CFAP43: variants seen among roughly 807,000 people sequenced by gnomAD.
CFAP43 encodes cilia- and flagella-associated protein 43.
A neutral mutation model predicts 218.9 loss-of-function variants in CFAP43; 155 were observed. That is an observed-to-expected ratio of 0.71 (90% CI 0.62 to 0.81). The LOEUF (loss-of-function observed/expected upper bound fraction) is 0.81. Among genes scored for constraint, CFAP43 ranks in the 30% least tolerant of loss-of-function variants. CFAP43 has a pLI of 0.00. For synonymous variants in CFAP43, 645 were observed against 681.3 expected (o/e 0.95, Z 0.83); for missense variants, 1,778 against 1,954.3 (o/e 0.91, Z 1.70).
chr10:104,163,891 A>T (rs368159159), intron 24 of CFAP43, among the ~76,000 whole-genome samples: 19 of 152,238 alleles, frequency 1.2e-4, no homozygotes, highest in Non-Finnish European at 2.2e-4. Context: ...TCCTGGGCTC[A>T]GTGTCCAAAT....
intron 20 of CFAP43, 108 bp from the exon 21 acceptor site, chr10:104,168,956 T>C (rs1478970065): frequency 8.2e-6 from 7 of 857,002 alleles, no homozygotes; most frequent in African/African-American, 1.7e-5. Context: ...CCTTCAGTGG[T>C]AGAGTTTGTC....
intron 5 of CFAP43, 129 bp from the exon 6 acceptor site, chr10:104,207,953 T>G (rs2090746026): frequency 6.0e-6 from 5 of 838,266 alleles, no homozygotes; most frequent in Non-Finnish European, 8.8e-6. Flanking sequence ...ATAGGAACAT[T>G]GAGCATTCAT....
intron 19 of CFAP43, among the ~76,000 whole-genome samples, chr10:104,175,640 C>T (rs1308517116): frequency 1.3e-5 from 2 of 152,158 alleles, no homozygotes; most frequent in Non-Finnish European, 2.9e-5. Flanking sequence ...TTCGTGATTG[C>T]ATGGCTGACT....
At chr10:104,156,867 C>T (rs11594962) in intron 27 of CFAP43, among the ~76,000 whole-genome samples, 6,364 of 152,138 alleles carry the variant, frequency 0.042, 193 homozygotes, top group Non-Finnish European at 0.066. Context: ...ATGGCTAAAT[C>T]GGTGGCAAAA....
At chr10:104,198,928 G>A (rs2090454136) in intron 8 of CFAP43, among the ~76,000 whole-genome samples, 2 of 152,114 alleles carry the variant, frequency 1.3e-5, no homozygotes, top group South Asian at 4.1e-4. Context: ...TGGGATTATA[G>A]GCATGAGCCA....
intron 34 of CFAP43, among the ~76,000 whole-genome samples, chr10:104,135,875 G>C (rs1314826766): frequency 1.3e-5 from 2 of 151,630 alleles, no homozygotes; most frequent in Non-Finnish European, 2.9e-5. Context: ...TTCATATGAA[G>C]CTGCAAAGGA....
intron 28 of CFAP43, among the ~76,000 whole-genome samples, chr10:104,148,657 TG>T (rs2088099001): frequency 6.6e-6 from 1 of 152,192 alleles, no homozygotes; most frequent in African/African-American, 2.4e-5. Flanking sequence ...TCTCTGACCA[TG>T]TGATTTCTGC....
chr10:104,206,195 G>A (rs930356563), intron 6 of CFAP43, among the ~76,000 whole-genome samples, 165 bp from the exon 7 acceptor site: 1 of 152,210 alleles, frequency 6.6e-6, no homozygotes, highest in Non-Finnish European at 1.5e-5. Flanking sequence ...AGAGAGAGGA[G>A]CAAGGCTGGA....
In CFAP43 at chr10:104,152,739, C is replaced by CA; in HGVS notation, c.3541-14dup. On this transcript the variant is annotated splice_polypyrimidine_tract_variant and intron_variant, in intron 27 of 37. Transcript: ENST00000357060. Reference sequence around the variant, plus strand: ...CTGCTTCTAATGACTAAAAGGAAAACAATAGTAAAGTTAACGTTTAAGAGT... The same window carrying CA: ...CTGCTTCTAATGACTAAAAGGAAAACAAATAGTAAAGTTAACGTTTAAGAGT... The CA allele has an allele frequency of 1.2e-6, 2 of 1,602,410 alleles. No homozygotes were observed. The highest frequency in any genetic ancestry group is 1.7e-6 in the Non-Finnish European group (2 of 1,177,002).
intron 24 of CFAP43, among the ~76,000 whole-genome samples, chr10:104,162,741 G>A (rs1239186897): frequency 6.6e-6 from 1 of 151,888 alleles, no homozygotes; most frequent in African/African-American, 2.4e-5. Flanking sequence ...CGAGAGCTTG[G>A]GGCATTCAAG....
chr10:104,228,771 T>G (rs1564822333), intron 2 of CFAP43, among the ~76,000 whole-genome samples: 1 of 152,236 alleles, frequency 6.6e-6, no homozygotes, highest in Non-Finnish European at 1.5e-5. Context: ...GGTACTTATT[T>G]CAAAACCAGC....
rs373287859 is a variant in CFAP43 at position 104,218,166 on chromosome 10, G to A, written c.417-3740C>T. Among the ~76,000 whole-genome samples the A allele has an allele frequency of 1.8e-4, 27 of 151,986 alleles. No homozygotes were observed. In the East Asian group the frequency reaches 2.9e-3, roughly 16 times the overall value. On this transcript the variant is annotated intron_variant, in intron 3 of 37. Coordinates refer to ENST00000357060, the MANE Select transcript of CFAP43 (RefSeq NM_025145.7). Reference sequence around the variant, plus strand: ...GATTGAGACCATCCTGGCTAACACGGTGAAACCCCGTCTCTACTAAAAATA... The same window carrying A: ...GATTGAGACCATCCTGGCTAACACGATGAAACCCCGTCTCTACTAAAAATA...
chr10:104,224,907 G>A (rs1230655127), intron 3 of CFAP43, among the ~76,000 whole-genome samples: 2 of 151,970 alleles, frequency 1.3e-5, no homozygotes, highest in Non-Finnish European at 2.9e-5. Context: ...ATATCCTCTT[G>A]AAGGGGCTTA....
chr10:104,231,191 G>C (rs2091439784), intron 1 of CFAP43, among the ~76,000 whole-genome samples: 2 of 152,184 alleles, frequency 1.3e-5, no homozygotes, highest in African/African-American at 4.8e-5. Flanking sequence ...AAAAGAGCTT[G>C]ATCTCAACAC....
At chr10:104,183,337 G>A (rs2134880884) in intron 16 of CFAP43, among the ~76,000 whole-genome samples, 1 of 152,110 alleles carries the variant, frequency 6.6e-6, no homozygotes, top group African/African-American at 2.4e-5. Context: ...TGATTTAGAG[G>A]GGTTGTCATT....
intron 19 of CFAP43, among the ~76,000 whole-genome samples, chr10:104,173,393 C>G (rs1054429564): frequency 3.3e-5 from 5 of 152,308 alleles, no homozygotes; most frequent in African/African-American, 1.2e-4. Context: ...ATGCCCTCAG[C>G]ACAGCACTCA....
In CFAP43 at chr10:104,193,979, AG is replaced by A. The variant is rs1349990156; in HGVS notation, c.1328del (p.Ser443LeufsTer48). 5 of 1,614,028 alleles carry A rather than the reference AG, an allele frequency of 3.1e-6. No individual in the cohort carries two copies. Among genetic ancestry groups the A allele is most frequent in the Non-Finnish European group, 4.2e-6 (5 of 1,180,016 alleles). ...TVLACCPSSL[S>X]AAVGTEDGSV... ...AGCCATCCTCCGTGCCCACGGCTGC[AG>A]AGAGGGAGGATGGACAGCAAGCCAG... On this transcript the variant is annotated frameshift_variant, in exon 11 of 38. Transcript: ENST00000357060. LOFTEE classifies it high-confidence loss of function.
At chr10:104,212,531 CAT>C (rs2090895502) in intron 4 of CFAP43, among the ~76,000 whole-genome samples, 2 of 152,092 alleles carry the variant, frequency 1.3e-5, no homozygotes, top group Admixed American at 6.5e-5. Flanking sequence ...GGGTTGTTGA[CAT>C]GTGAGAATTT....
At chr10:104,194,246 T>G (rs754045754) in intron 10 of CFAP43, among the ~76,000 whole-genome samples, 18 of 152,096 alleles carry the variant, frequency 1.2e-4, no homozygotes, top group Non-Finnish European at 1.3e-4. Flanking sequence ...TAATAAAAAT[T>G]AGAGAGAGAT....
Sources: gnomAD v4.1 joint callset for allele counts (sites outside exome capture counted in the v4.1 genomes callset) on GRCh38, gnomAD v4.1.1 for gene constraint, MANE v1.5 for transcripts, NCBI Gene and HGNC (gene_info 2026-07-23, HGNC 2026-07-21) for gene names.